MAP4K1: variants seen among roughly 807,000 people sequenced by gnomAD.
MAP4K1 encodes mitogen-activated protein kinase kinase kinase kinase 1.
Under a neutral mutation model 122.8 loss-of-function variants are expected in MAP4K1, and 35 were observed. That is an observed-to-expected ratio of 0.29 (90% CI 0.22 to 0.38). MAP4K1 has a LOEUF of 0.38. Among genes scored for constraint, MAP4K1 ranks in the 10% least tolerant of loss-of-function variants. The probability of loss-of-function intolerance (pLI) is 1.00; values close to 1 mark genes in which losing one functional copy is unlikely to be tolerated. For synonymous variants in MAP4K1, 412 were observed against 421.3 expected, an observed-to-expected ratio of 0.98 and a Z score of 0.27; for missense variants, 791 against 1,072.6, an observed-to-expected ratio of 0.74 and a Z score of 3.67.
At position 38,614,226 on chromosome 19, in the gene MAP4K1, C is replaced by T; in HGVS notation, c.417+19G>A. ...CCTGGGCCCCACCCCCCAACAGCAC[C>T]CCTACACCCCCAGACCACCTTGATG... On this transcript the variant is annotated intron_variant, in intron 6 of 30. Transcript: ENST00000396857. The T allele has an allele frequency of 6.2e-7, 1 of 1,613,888 alleles. No individual in the cohort carries two copies. The highest frequency in any genetic ancestry group is 8.5e-7 in the Non-Finnish European group (1 of 1,179,792).
In MAP4K1 at chr19:38,600,001, G is replaced by C. The variant is rs1272556499; in HGVS notation, c.1609-16C>G. 1 of 1,614,180 alleles carries C rather than the reference G, an allele frequency of 6.2e-7. No homozygotes were observed. The highest frequency in any genetic ancestry group is 1.6e-4 in the Middle Eastern group (1 of 6,062). The stretch of plus-strand genomic sequence containing the variant: ...TAGGAAAGAGCTGCAGGGAATGGGA[G>C]AGATGGCTCTGGTGACACCCCAGCA... On this transcript the variant is annotated splice_polypyrimidine_tract_variant and intron_variant, in intron 21 of 30. Transcript: ENST00000396857.
chr19:38,616,776 A>G (rs61500092), intron 3 of MAP4K1, among the ~76,000 whole-genome samples: 2,383 of 152,252 alleles, frequency 0.016, 59 homozygotes, highest in African/African-American at 0.055. Flanking sequence ...GAAGAGATCA[A>G]TTTGGGGTAC....
At chr19:38,615,901 C>T (rs1026052038) in intron 4 of MAP4K1, among the ~76,000 whole-genome samples, 5 of 151,322 alleles carry the variant, frequency 3.3e-5, no homozygotes, top group Admixed American at 6.6e-5. Flanking sequence ...TCAGGTGATC[C>T]GCCCACCTCG....
chr19:38,614,525 C>G, intron 4 of MAP4K1, 80 bp from the exon 5 acceptor site: 1 of 1,489,074 alleles, frequency 6.7e-7, no homozygotes, highest in Non-Finnish European at 9.3e-7. Context: ...CCCCCCACAC[C>G]AGCTAAGAGG....
rs1255076275 is a variant in MAP4K1, at chr19:38,613,929, T to C, written c.484A>G (p.Ile162Val). ...AGGCGTCTGGCCAGTGTAGCCCCAATCTGGGCCGAGATGCCAAAGTCAGCT... is the reference window on the plus strand; with the variant it reads ...AGGCGTCTGGCCAGTGTAGCCCCAACCTGGGCCGAGATGCCAAAGTCAGCT... ...RLADFGISAQIGATLARRLSF... is the reference protein window; with the variant it reads ...RLADFGISAQVGATLARRLSF... The change falls in exon 8 of 31, where the codon ATT (isoleucine) becomes GTT (valine). Residue 162 changes from isoleucine to valine, a missense_variant. By Grantham distance (29) the Ile-to-Val change is conservative. This residue lies in a region of MAP4K1 where 163 missense variants were observed against 286.1 expected (regional missense o/e 0.57). Coordinates refer to ENST00000396857, the MANE Select transcript of MAP4K1 (RefSeq NM_001042600.3). The C allele has an allele frequency of 6.2e-7, 1 of 1,613,796 alleles. No individual in the cohort carries two copies.
chr19:38,589,617 A>G (rs1005200942), intron 30 of MAP4K1, among the ~76,000 whole-genome samples: 2 of 151,882 alleles, frequency 1.3e-5, no homozygotes, highest in African/African-American at 4.8e-5. Context: ...GTTTCTCCAC[A>G]TTGGTCAGGC....
intron 16 of MAP4K1, among the ~76,000 whole-genome samples, chr19:38,607,209 T>C (rs1189548142): frequency 6.6e-6 from 1 of 151,592 alleles, no homozygotes; most frequent in Non-Finnish European, 1.5e-5. Flanking sequence ...GGGTCAGCTC[T>C]GGGGTGGAGA....
intron 3 of MAP4K1, 119 bp from the exon 4 acceptor site, chr19:38,616,378 C>T (rs943924509): frequency 1.6e-6 from 1 of 641,852 alleles, no homozygotes; most frequent in Non-Finnish European, 2.6e-6. Context: ...TAACAGCTCT[C>T]ATCACTCCAC....
Position 38,600,183 on chromosome 19 carries a change from G to A in MAP4K1, c.1532-30C>T, listed in dbSNP as rs758903724. 2.2e-5 allele frequency: 35 copies of A among 1,599,788 alleles called. 2 individuals are homozygous for A. Among genetic ancestry groups the A allele is most frequent in the East Asian group, 1.8e-4 (8 of 44,678 alleles). ...AGGCACAGACAAGGACGCTGGGACCGACTTCATCCTCAGGGACCTCCCAGA... is the reference window on the plus strand; with the variant it reads ...AGGCACAGACAAGGACGCTGGGACCAACTTCATCCTCAGGGACCTCCCAGA... On this transcript the variant is annotated intron_variant, in intron 20 of 30. Coordinates refer to ENST00000396857, the MANE Select transcript of MAP4K1 (RefSeq NM_001042600.3).
chr19:38,617,790 T>C lies in MAP4K1; in HGVS notation c.99+7A>G. 1 of 1,613,934 alleles carries C rather than the reference T, an allele frequency of 6.2e-7. No individual in the cohort carries two copies. Among genetic ancestry groups the C allele is most frequent in the Non-Finnish European group, 8.5e-7 (1 of 1,179,892 alleles). Reference sequence around the variant, plus strand: ...GTAGGGTGTTGGGGACAGAGGGGCTTCCTCACCTTAAAGACTTCCCCATAC... The same window carrying C: ...GTAGGGTGTTGGGGACAGAGGGGCTCCCTCACCTTAAAGACTTCCCCATAC... On this transcript the variant is annotated splice_region_variant and intron_variant, in intron 1 of 30. Coordinates refer to ENST00000396857, the MANE Select transcript of MAP4K1 (RefSeq NM_001042600.3). This position sits in a 1 kb window ranked among gnomAD's most constrained non-coding sequence, Gnocchi z 4.1.
At chr19:38,605,278 G>A in intron 19 of MAP4K1, 131 bp downstream of exon 19, 1 of 681,264 alleles carries the variant, frequency 1.5e-6, no homozygotes, top group Non-Finnish European at 2.6e-6. Flanking sequence ...TAGGAGATAA[G>A]TGTAGGGCAC....
rs1421857461 is a variant in MAP4K1, at chr19:38,605,465, G to A, written c.1390C>T (p.Arg464Trp). 2.1e-5 allele frequency: 33 copies of A among 1,596,968 alleles called. No homozygotes were observed. Among genetic ancestry groups the A allele is most frequent in the Non-Finnish European group, 2.6e-5 (31 of 1,173,352 alleles). ...SEPSLWNPPS[R>W]ELDKPPLLPP... ...AGAAGTGGGGGCTTGTCAAGCTCCC[G>A]GGAGGGTGGGTTCCAGAGTGAGGGT... Residue 464 changes from arginine to tryptophan, a missense_variant, in exon 19 of 31, where the codon CGG becomes TGG. Physicochemically the swap from Arg to Trp is moderately radical, Grantham distance 101. Around this residue, in one of 4 missense-constraint regions of MAP4K1, gnomAD observed 303 missense variants for 344.8 expected, o/e 0.88. Coordinates refer to ENST00000396857, the MANE Select transcript of MAP4K1 (RefSeq NM_001042600.3).
At chr19:38,604,259 G>A (rs995748093) in intron 19 of MAP4K1, among the ~76,000 whole-genome samples, 6 of 151,872 alleles carry the variant, frequency 4.0e-5, no homozygotes, top group Admixed American at 6.6e-5. Flanking sequence ...ATGCATGTAC[G>A]TAAAAACACT....
chr19:38,609,469 A>G, intron 13 of MAP4K1, 127 bp downstream of exon 13: 2 of 815,770 alleles, frequency 2.5e-6, no homozygotes, highest in South Asian at 2.9e-5. Flanking sequence ...TGCTGATGAG[A>G]TTGTCTGGGG....
chr19:38,593,669 G>A (rs116507633), intron 29 of MAP4K1, among the ~76,000 whole-genome samples: 1,630 of 152,294 alleles, frequency 0.011, 30 homozygotes, highest in African/African-American at 0.037. Flanking sequence ...GCCACTGGGC[G>A]TGCCACTGGA....
rs942884872 is a variant in MAP4K1 at position 38,609,684 on chromosome 19, G to A, written c.928-10C>T. ...GGATAGCAGGGGGTAGCTGGGCAGA[G>A]GGGCAGCCACGTCAGGGCTCAAGAC... On this transcript the variant is annotated splice_polypyrimidine_tract_variant and intron_variant, in intron 12 of 30. Coordinates refer to ENST00000396857, the MANE Select transcript of MAP4K1 (RefSeq NM_001042600.3). The A allele has an allele frequency of 3.1e-6, 5 of 1,608,642 alleles. No homozygotes were observed. The South Asian group carries it at 4.4e-5, about 14-fold the overall frequency.
chr19:38,612,281 G>A (rs1333397594), intron 9 of MAP4K1, among the ~76,000 whole-genome samples: 2 of 151,586 alleles, frequency 1.3e-5, no homozygotes, highest in Non-Finnish European at 1.5e-5. Flanking sequence ...TTAGCCGGGC[G>A]TGGTGGTGCA....
In MAP4K1 at chr19:38,588,512, G is replaced by GA. The variant is rs536784387; in HGVS notation, c.2397-696dup. Among the ~76,000 whole-genome samples the GA allele has an allele frequency of 6.6e-3, 1,009 of 152,034 alleles. 5 individuals carry two copies. The highest frequency in any genetic ancestry group is 9.2e-3 in the Non-Finnish European group (625 of 67,970). ...TCAAGACCAGCCTGGCCAATATGGT[G>GA]AATCCCATCTCTACTAAAACTACAA... On this transcript the variant is annotated intron_variant, in intron 30 of 30. Transcript: ENST00000396857.
In MAP4K1 at chr19:38,617,149, GGC is replaced by G. The variant is rs1353913531; in HGVS notation, c.248+203_248+204del. Among the ~76,000 whole-genome samples, 1 of 152,096 alleles carries G rather than the reference GGC, an allele frequency of 6.6e-6. No individual in the cohort carries two copies. The highest frequency in any genetic ancestry group is 1.5e-5 in the Non-Finnish European group (1 of 68,022). ...TAATCCCAGCTACTCGGGAGTCTGAGGCAGAGAATTGCTTGAACCCAGGAGGC... is the reference window on the plus strand; with the variant it reads ...TAATCCCAGCTACTCGGGAGTCTGAGAGAGAATTGCTTGAACCCAGGAGGC... On this transcript the variant is annotated intron_variant, in intron 3 of 30. Transcript: ENST00000396857. This position sits in a 1 kb window ranked among gnomAD's most constrained non-coding sequence, Gnocchi z 4.1.
Sources: gnomAD v4.1 joint callset for allele counts (sites outside exome capture counted in the v4.1 genomes callset) on GRCh38, gnomAD v4.1.1 for gene constraint, gnomAD v4.1.1 regional missense constraint, Gnocchi (gnomAD v3.1) non-coding constraint, MANE v1.5 for transcripts, NCBI Gene and HGNC (gene_info 2026-07-23, HGNC 2026-07-21) for gene names.